The following LHPP variants were observed in gnomAD, a reference collection of about 807,000 sequenced individuals.
LHPP encodes the protein hLHPP.
LHPP carries 24 observed loss-of-function variants against 30.3 expected under a neutral mutation model. The observed-to-expected ratio is 0.79, with a 90% CI of 0.57 to 1.11. The LOEUF (loss-of-function observed/expected upper bound fraction) is 1.11. LHPP is among the 50% of genes most tolerant of loss of function. LHPP has a pLI of 0.00. For synonymous variants in LHPP, 150 were observed against 157.1 expected (o/e 0.95, Z 0.34); for missense variants, 356 against 367.2 (o/e 0.97, Z 0.25).
rs2133870694 is a variant in LHPP, at chr10:124,496,127, T to G, written c.468-834T>G. On this transcript the variant is annotated intron_variant, in intron 3 of 6. Coordinates refer to ENST00000368842, the MANE Select transcript of LHPP (RefSeq NM_022126.4). This position sits in a 1 kb window ranked among gnomAD's most constrained non-coding sequence, Gnocchi z 4.3. ...TGGTTCCAAGAATCAAGCCCCCTTG[T>G]GTATTCTTGGCTTTCAATGAACTGC... Among the ~76,000 whole-genome samples, 1 of 152,270 alleles carries G rather than the reference T, an allele frequency of 6.6e-6. No individual in the cohort carries two copies. The highest frequency in any genetic ancestry group is 1.9e-4 in the East Asian group (1 of 5,188).
intron 6 of LHPP, among the ~76,000 whole-genome samples, chr10:124,527,366 C>T (rs985781745): frequency 7.9e-5 from 12 of 152,232 alleles, no homozygotes; most frequent in South Asian, 4.1e-4. Context: ...CACAGCTGGA[C>T]GCAGTTCTTA....
chr10:124,557,968 C>T (rs11245287), intron 6 of LHPP, among the ~76,000 whole-genome samples: 16,991 of 152,078 alleles, frequency 0.11, 1,316 homozygotes, highest in East Asian at 0.27. Context: ...CATGTCAGCG[C>T]GTCCTGACAC....
chr10:124,583,055 T>C (rs1948761520), intron 6 of LHPP, among the ~76,000 whole-genome samples: 1 of 152,170 alleles, frequency 6.6e-6, no homozygotes, highest in Non-Finnish European at 1.5e-5. Context: ...AACCCAGTTG[T>C]TAAGGGTCAA....
chr10:124,513,073 A>T (rs1238828015), intron 5 of LHPP, among the ~76,000 whole-genome samples: 1 of 151,218 alleles, frequency 6.6e-6, no homozygotes, highest in Non-Finnish European at 1.5e-5. Context: ...GAAGACATGT[A>T]GTTTGTTTGT....
At chr10:124,607,476 T>C (rs563834828) in intron 6 of LHPP, among the ~76,000 whole-genome samples, 2 of 152,400 alleles carry the variant, frequency 1.3e-5, no homozygotes, top group South Asian at 4.1e-4. Context: ...TTCTTGAATT[T>C]AAATGATATG....
chr10:124,555,266 G>T (rs898088603), intron 6 of LHPP, among the ~76,000 whole-genome samples: 2 of 152,206 alleles, frequency 1.3e-5, no homozygotes, highest in Non-Finnish European at 2.9e-5. Context: ...CTCCTGGCTG[G>T]ACCACAGCCA....
In LHPP at chr10:124,498,599, A is replaced by G. The variant is rs1589797123; in HGVS notation, c.624+471A>G. 5 of 824,128 alleles carry G rather than the reference A, an allele frequency of 6.1e-6. No individual in the cohort carries two copies. In the East Asian group the frequency reaches 1.3e-4, roughly 22 times the overall value. 51.1% of individuals were successfully genotyped at this position (824,128 alleles called of 1,614,324 possible). ...AGAATCGGTTATGATTTTATTGTCT[A>G]CACCTACCCCAACCCTAAGTGAGTC... On this transcript the variant is annotated intron_variant, in intron 5 of 6. Transcript: ENST00000368842.
At chr10:124,577,145 G>C (rs1404653129) in intron 6 of LHPP, among the ~76,000 whole-genome samples, 1 of 152,194 alleles carries the variant, frequency 6.6e-6, no homozygotes, top group Non-Finnish European at 1.5e-5. Context: ...CTGCTCAGGT[G>C]GGTCCGTGCT....
At chr10:124,475,296 A>T (rs1952908985) in intron 1 of LHPP, among the ~76,000 whole-genome samples, 2 of 149,808 alleles carry the variant, frequency 1.3e-5, no homozygotes, top group East Asian at 4.3e-4. Context: ...TGGCCTCCCA[A>T]AGTGCTGGGG....
intron 6 of LHPP, chr10:124,554,255 G>A: frequency 5.4e-6 from 1 of 185,876 alleles, no homozygotes; most frequent in African/African-American, 2.4e-5. Flanking sequence ...GTGCAATCAT[G>A]GCTCACTGCA....
chr10:124,530,113 A>C (rs1954855895), intron 6 of LHPP, among the ~76,000 whole-genome samples: 1 of 152,148 alleles, frequency 6.6e-6, no homozygotes, highest in African/African-American at 2.4e-5. Context: ...TGGTGAAGCC[A>C]GGAGCGGTGG....
intron 5 of LHPP, among the ~76,000 whole-genome samples, chr10:124,503,759 T>C (rs1321324994): frequency 2.0e-5 from 3 of 150,082 alleles, no homozygotes; most frequent in Admixed American, 2.0e-4. Context: ...TTATAGCTTT[T>C]TTTATTTAAA....
At chr10:124,485,155 G>C (rs1953284306) in intron 2 of LHPP, among the ~76,000 whole-genome samples, 1 of 152,054 alleles carries the variant, frequency 6.6e-6, no homozygotes, top group African/African-American at 2.4e-5. Context: ...CATAGCCCTG[G>C]TGCCAGTTAA....
chr10:124,534,730 G>A (rs915970201), intron 6 of LHPP, among the ~76,000 whole-genome samples: 9 of 152,206 alleles, frequency 5.9e-5, no homozygotes, highest in Admixed American at 2.6e-4. Flanking sequence ...TCGGGGCTTC[G>A]GGCTGGGGCC....
intron 1 of LHPP, among the ~76,000 whole-genome samples, chr10:124,470,786 A>G (rs1210971808): frequency 2.0e-5 from 3 of 152,034 alleles, no homozygotes; most frequent in Admixed American, 2.0e-4. Context: ...CTGGCAGGAC[A>G]TTGTAGGGAG....
At chr10:124,508,185 GT>G (rs1291635759) in intron 5 of LHPP, among the ~76,000 whole-genome samples, 1 of 152,076 alleles carries the variant, frequency 6.6e-6, no homozygotes, top group Non-Finnish European at 1.5e-5. Flanking sequence ...TCTTTCTGCT[GT>G]GGCCTCCCTC....
At chr10:124,525,977 G>A (rs1403677057) in intron 6 of LHPP, among the ~76,000 whole-genome samples, 1 of 152,156 alleles carries the variant, frequency 6.6e-6, no homozygotes, top group Non-Finnish European at 1.5e-5. Context: ...TGGCTGCAGA[G>A]TGAGGCCACA....
At chr10:124,468,840 C>T (rs1952638613) in intron 1 of LHPP, among the ~76,000 whole-genome samples, 1 of 152,212 alleles carries the variant, frequency 6.6e-6, no homozygotes, top group South Asian at 2.1e-4. Context: ...CTCCGTACAC[C>T]CTCCCTCGCA....
intron 6 of LHPP, among the ~76,000 whole-genome samples, chr10:124,584,796 A>G (rs144706379): frequency 6.6e-6 from 1 of 152,298 alleles, no homozygotes; most frequent in East Asian, 1.9e-4. Context: ...AATTTCTTTT[A>G]ACAAGTATCA....
Sources: gnomAD v4.1 joint callset for allele counts (sites outside exome capture counted in the v4.1 genomes callset) on GRCh38, gnomAD v4.1.1 for gene constraint, Gnocchi (gnomAD v3.1) non-coding constraint, MANE v1.5 for transcripts, NCBI Gene and HGNC (gene_info 2026-07-23, HGNC 2026-07-21) for gene names.